Variants in CRB2 observed in about 807,000 individuals in gnomAD.
CRB2 encodes protein crumbs homolog 2.
Under a neutral mutation model 110.9 loss-of-function variants are expected in CRB2, and 85 were observed. The observed-to-expected ratio is 0.77, with a 90% confidence interval of 0.64 to 0.92. The LOEUF is 0.92. Ranked by LOEUF, CRB2 falls within the 40% of genes least tolerant of loss-of-function variation. The pLI is 0.00. For missense variants in CRB2, 1,843 were observed against 1,851.3 expected, an observed-to-expected ratio of 1.00 and a Z score of 0.08; for synonymous variants, 907 against 831.0, an observed-to-expected ratio of 1.09 and a Z score of -1.57.
rs1338180435 is a variant in CRB2 at position 123,373,875 on chromosome 9, G to A, written c.3344G>A (p.Arg1115His). 13 of 1,549,390 alleles carry A rather than the reference G, an allele frequency of 8.4e-6. No homozygotes were observed. The highest frequency in any genetic ancestry group is 1.4e-5 in the African/African-American group (1 of 73,158). The change falls in exon 10 of 13, where the codon CGC (arginine) becomes CAC (histidine). Residue 1115 changes from arginine to histidine, a missense_variant. Arg to His is a conservative substitution (Grantham distance 29, BLOSUM62 0). Coordinates refer to ENST00000373631, the MANE Select transcript of CRB2 (RefSeq NM_173689.7). ...RGRCHTHPDGRFECRCPPGFG... is the reference protein window; with the variant it reads ...RGRCHTHPDGHFECRCPPGFG... ...CGCTGTCACACGCACCCCGACGGCC[G>A]CTTCGAGTGCCGCTGCCCGCCTGGC... is the stretch of plus-strand genomic sequence containing the variant.
chr9:123,356,401 C>T, intron 1 of CRB2, 47 bp downstream of exon 1: 1 of 1,419,344 alleles, frequency 7.0e-7, no homozygotes, highest in Non-Finnish European at 9.4e-7. Context: ...GGGTCTGTCC[C>T]CCAAGACAGA....
rs536555517 is a variant in CRB2 at position 123,367,253 on chromosome 9, G to C, written c.836G>C (p.Arg279Pro). ...CAGCATGGGGGCCGATGCCTGCAGC[G>C]CTCTGACCCGGCCCTCTACGGGGGT... ...PCQHGGRCLQRSDPALYGGVQ... is the reference protein window; with the variant it reads ...PCQHGGRCLQPSDPALYGGVQ... Residue 279 changes from arginine to proline, a missense_variant, in exon 5 of 13, where the codon CGC (arginine) becomes CCC (proline). Arg to Pro is a moderately radical substitution (Grantham distance 103, BLOSUM62 -2). Transcript: ENST00000373631. 161 of 1,596,802 alleles carry C rather than the reference G, an allele frequency of 1.0e-4. 1 individual carries two copies. In the South Asian group the frequency reaches 1.6e-3, roughly 16 times the overall value.
At chr9:123,359,367 T>C (rs1180577957) in intron 1 of CRB2, among the ~76,000 whole-genome samples, 1 of 151,594 alleles carries the variant, frequency 6.6e-6, no homozygotes, top group Non-Finnish European at 1.5e-5. Flanking sequence ...ATATTCTGTC[T>C]CTTGATTTGT....
At position 123,371,528 on chromosome 9, in the gene CRB2, A is replaced by C. The variant is rs1199412575; in HGVS notation, c.2386A>C (p.Arg796=). 8 of 1,613,012 alleles carry C rather than the reference A, an allele frequency of 5.0e-6. No individual in the cohort carries two copies. Among genetic ancestry groups the C allele is most frequent in the Non-Finnish European group, 5.9e-6 (7 of 1,180,022 alleles). ...AAGCCAGCCCAGCGAGCTCGGCGGC[A>C]GGCAGTCCTGGAACCTCACTGCGGG... is the stretch of plus-strand genomic sequence containing the variant. ...NSSQPSELGG[R]QSWNLTAGCV... is the part of the protein sequence containing the mutation. Residue 796 remains arginine (R), a synonymous_variant, in exon 8 of 13, where the codon AGG becomes CGG. Coordinates refer to ENST00000373631, the MANE Select transcript of CRB2 (RefSeq NM_173689.7).
chr9:123,376,770 GCTCT>G (rs2130788781), intron 12 of CRB2, 64 bp from the exon 13 acceptor site: 5 of 1,410,380 alleles, frequency 3.5e-6, no homozygotes, highest in Middle Eastern at 2.5e-4. Flanking sequence ...TGCGCTCTCT[GCTCT>G]CTGAGGGCCC....
intron 4 of CRB2, 60 bp downstream of exon 4, chr9:123,366,426 C>T (rs1239152663): frequency 3.4e-6 from 5 of 1,483,772 alleles, no homozygotes; most frequent in East Asian, 5.5e-5. Flanking sequence ...CCTGTGCGGC[C>T]TGGGGCGGTG....
Position 123,377,204 on chromosome 9 carries a change from T to C in CRB2, c.*142T>C, listed in dbSNP as rs922503603. ...AGCCTCTGCCTCTGCCTCTGCCCCATCCTGGATGGAGGACGAGGGGAGCAA... is the reference window on the plus strand; with the variant it reads ...AGCCTCTGCCTCTGCCTCTGCCCCACCCTGGATGGAGGACGAGGGGAGCAA... On this transcript the variant is annotated 3_prime_UTR_variant, in exon 13 of 13. Coordinates refer to ENST00000373631, the MANE Select transcript of CRB2 (RefSeq NM_173689.7). 72 of 772,754 alleles carry C rather than the reference T, an allele frequency of 9.3e-5. No individual in the cohort carries two copies. The highest frequency in any genetic ancestry group is 3.4e-5 in the Non-Finnish European group (17 of 495,698). 47.9% of individuals were successfully genotyped at this position (772,754 alleles called of 1,614,324 possible). A position where few individuals can be genotyped will look rare whatever the true frequency, so the allele number is the denominator to read the frequency against.
intron 1 of CRB2, among the ~76,000 whole-genome samples, chr9:123,360,590 C>G (rs2491349): frequency 0.33 from 49,736 of 152,046 alleles, 8,519 homozygotes; most frequent in African/African-American, 0.4. Flanking sequence ...GAGCAGGTTG[C>G]GATGCAGATT....
chr9:123,368,637 T>G, intron 6 of CRB2: 7 of 284,912 alleles, frequency 2.5e-5, no homozygotes, highest in Non-Finnish European at 3.3e-5. Flanking sequence ...CCTCTCCCAG[T>G]TGAGCTCACT....
intron 2 of CRB2, 100 bp from the exon 3 acceptor site, chr9:123,365,817 G>T: frequency 1.1e-6 from 1 of 951,276 alleles, no homozygotes; most frequent in Non-Finnish European, 1.5e-6. Context: ...CTGAATGAAT[G>T]AATCCACGAG....
rs373603388 is a variant in CRB2, at chr9:123,376,913, C to T, written c.3709C>T (p.Leu1237Phe). Reference sequence around the variant, plus strand: ...TGCAGCCTGTGCCTGCCTCCTCCTCCTCCTCCTGGGCCTCCTTTCAGGGAT... The same window carrying T: ...TGCAGCCTGTGCCTGCCTCCTCCTCTTCCTCCTGGGCCTCCTTTCAGGGAT... ...VPAACACLLL[L>F]LLGLLSGILA... Residue 1237 changes from leucine to phenylalanine, a missense_variant, in exon 13 of 13, where the codon CTC (leucine) becomes TTC (phenylalanine). By Grantham distance (22) the Leu-to-Phe change is conservative. Coordinates refer to ENST00000373631, the MANE Select transcript of CRB2 (RefSeq NM_173689.7). 2 of 1,609,064 alleles carry T rather than the reference C, an allele frequency of 1.2e-6. No homozygotes were observed. Among genetic ancestry groups the T allele is most frequent in the Admixed American group, 1.7e-5 (1 of 59,506 alleles).
At chr9:123,357,816 C>T (rs756318737) in intron 1 of CRB2, among the ~76,000 whole-genome samples, 3 of 152,256 alleles carry the variant, frequency 2.0e-5, no homozygotes, top group Non-Finnish European at 2.9e-5. Flanking sequence ...GATCTACCAG[C>T]ACATGCACCT....
Position 123,366,099 on chromosome 9 carries a change from G to C in CRB2, c.601G>C (p.Asp201His). 6.6e-6 allele frequency: 10 copies of C among 1,514,184 alleles called. No homozygotes were observed. The highest frequency in any genetic ancestry group is 8.8e-6 in the Non-Finnish European group (10 of 1,137,990). 93.8% of individuals were successfully genotyped at this position (1,514,184 alleles called of 1,614,324 possible). Residue 201 changes from aspartate to histidine, a missense_variant, in exon 3 of 13, where the codon GAC becomes CAC. Coordinates refer to ENST00000373631, the MANE Select transcript of CRB2 (RefSeq NM_173689.7). ...QPCAHGGTCH[D>H]LVNGFRCDCA... The stretch of plus-strand genomic sequence containing the variant: ...GTGCGCACATGGGGGCACGTGCCAC[G>C]ACCTGGTCAACGGGTGAGCGAGCGG...
intron 1 of CRB2, among the ~76,000 whole-genome samples, chr9:123,360,701 AG>A (rs771538081): frequency 4.6e-5 from 7 of 152,160 alleles, no homozygotes; most frequent in Non-Finnish European, 7.3e-5. Flanking sequence ...GCTTGGAGTG[AG>A]GCCCTGGGTT....
intron 1 of CRB2, among the ~76,000 whole-genome samples, chr9:123,362,097 G>A (rs1307827708): frequency 2.0e-5 from 3 of 152,216 alleles, no homozygotes; most frequent in African/African-American, 7.2e-5. Context: ...GCTGATGGGG[G>A]ATGAAATTAG....
chr9:123,366,396 G>C (rs200295767), intron 4 of CRB2, 30 bp downstream of exon 4: 12 of 1,527,518 alleles, frequency 7.9e-6, no homozygotes, highest in African/African-American at 2.9e-5. Context: ...CGGCCTGGCG[G>C]GGGGAGGGGT....
upstream of CRB2, among the ~76,000 whole-genome samples, chr9:123,355,221 C>T (rs1347511852): frequency 6.6e-6 from 1 of 152,210 alleles, no homozygotes; most frequent in Admixed American, 6.5e-5. Context: ...TGAAGAGCTC[C>T]TCCTGTCCAC....
intron 1 of CRB2, among the ~76,000 whole-genome samples, chr9:123,359,430 G>GTTTGTTTTTTTTTTTTTTTTTT (rs2041835449): frequency 1.0e-5 from 1 of 98,020 alleles, no homozygotes; most frequent in Non-Finnish European, 2.0e-5. Context: ...GTGGTTTTTC[G>GTTTGTTTTTTTTTTTTTTTTTT]TTTTTGTTTT....
rs1166325389 is a variant in CRB2, at chr9:123,363,062, C to T, written c.292C>T (p.Pro98Ser). ...DPTGFRCYCVPGFQGPRCELD... is the reference protein window; with the variant it reads ...DPTGFRCYCVSGFQGPRCELD... ...CACCGGCTTCCGCTGCTACTGCGTG[C>T]CGGGTTTCCAGGGCCCACGCTGCGA... The change falls in exon 2 of 13, where the codon CCG becomes TCG. Residue 98 changes from proline to serine, a missense_variant. Coordinates refer to ENST00000373631, the MANE Select transcript of CRB2 (RefSeq NM_173689.7). 1 of 1,611,754 alleles carries T rather than the reference C, an allele frequency of 6.2e-7. No individual in the cohort carries two copies. Among genetic ancestry groups the T allele is most frequent in the African/African-American group, 1.3e-5 (1 of 75,052 alleles).
Sources: allele counts gnomAD v4.1 joint callset (sites outside exome capture counted in the v4.1 genomes callset), GRCh38; gene constraint gnomAD v4.1.1; transcripts MANE v1.5; gene names NCBI Gene and HGNC (gene_info 2026-07-23, HGNC 2026-07-21).